The following CDH20 variants were observed in gnomAD, a reference collection of about 807,000 sequenced individuals.
CDH20 encodes the protein cadherin 20.
CDH20 carries 29 observed loss-of-function variants against 74.2 expected under a neutral mutation model. The ratio of observed to expected loss-of-function variants is 0.39; its 90% confidence interval spans 0.29 to 0.53. The LOEUF (loss-of-function observed/expected upper bound fraction) is 0.53. Ranked by LOEUF, CDH20 falls within the 20% of genes least tolerant of loss-of-function variation. CDH20 has a pLI of 0.69. For synonymous variants in CDH20, 469 were observed against 405.4 expected (o/e 1.16, Z -1.88); for missense variants, 988 against 1,048.3 (o/e 0.94, Z 0.79).
At position 61,468,575 on chromosome 18, in the gene CDH20, T is replaced by C. The variant is rs761886748; in HGVS notation, c.-152-21827T>C. On this transcript the variant is annotated intron_variant, in intron 1 of 11. Coordinates refer to ENST00000262717, the MANE Select transcript of CDH20 (RefSeq NM_031891.4). ...ACTGTGTTTCTCTAGTATCCCTTTT[T>C]CCCCCCTACTTGCTCCACTAAGTGT... 3.9e-5 allele frequency among the ~76,000 whole-genome samples: 6 copies of C among 152,258 alleles called. No homozygotes were observed. The East Asian group carries it at 5.8e-4, about 15-fold the overall frequency.
intron 1 of CDH20, among the ~76,000 whole-genome samples, chr18:61,482,508 A>G (rs1910623421): frequency 6.6e-6 from 1 of 152,016 alleles, no homozygotes; most frequent in African/African-American, 2.4e-5. Flanking sequence ...TTTTCCCTGG[A>G]CTCTTAACTG....
chr18:61,351,597 C>T (rs1910308710), intron 1 of CDH20, among the ~76,000 whole-genome samples: 1 of 151,726 alleles, frequency 6.6e-6, no homozygotes, highest in Admixed American at 6.6e-5. Flanking sequence ...TTTAGTTTGC[C>T]TCTATGTTAC....
At chr18:61,382,830 A>T (rs1911476040) in intron 1 of CDH20, among the ~76,000 whole-genome samples, 1 of 152,222 alleles carries the variant, frequency 6.6e-6, no homozygotes, top group Admixed American at 6.5e-5. Context: ...CTCACAATGA[A>T]CAGTAATAAG....
chr18:61,406,074 C>T (rs1912320289), intron 1 of CDH20, among the ~76,000 whole-genome samples: 1 of 152,048 alleles, frequency 6.6e-6, no homozygotes, highest in African/African-American at 2.4e-5. Context: ...ATTCAAATGG[C>T]CCCAGCTGTA....
At chr18:61,416,080 T>G (rs1486026161) in intron 1 of CDH20, among the ~76,000 whole-genome samples, 13 of 152,116 alleles carry the variant, frequency 8.5e-5, no homozygotes, top group Admixed American at 5.9e-4. Context: ...TAAGAACTCA[T>G]TATGTATCTT....
chr18:61,517,830 A>T (rs1912056814), intron 6 of CDH20, among the ~76,000 whole-genome samples: 1 of 152,098 alleles, frequency 6.6e-6, no homozygotes, highest in South Asian at 2.1e-4. Context: ...AGCTCAGTGG[A>T]TCCCACCCCC....
At chr18:61,538,683 A>G (rs547269566) in intron 8 of CDH20, among the ~76,000 whole-genome samples, 2 of 133,524 alleles carry the variant, frequency 1.5e-5, no homozygotes, top group Non-Finnish European at 3.1e-5. Context: ...CAGTGGTGCT[A>G]TCTCTGCTCA....
At chr18:61,470,457 C>T (rs756645387) in intron 1 of CDH20, among the ~76,000 whole-genome samples, 2 of 152,182 alleles carry the variant, frequency 1.3e-5, no homozygotes, top group South Asian at 2.1e-4. Context: ...AGGCCCTGCC[C>T]GTTGGTGCGG....
intron 4 of CDH20, among the ~76,000 whole-genome samples, chr18:61,501,405 A>G (rs552240651): frequency 2.0e-4 from 31 of 152,230 alleles, no homozygotes; most frequent in African/African-American, 7.5e-4. Context: ...AAACATTGCC[A>G]TATTTGAGCT....
At chr18:61,479,416 G>C (rs535469577) in intron 1 of CDH20, among the ~76,000 whole-genome samples, 1 of 152,088 alleles carries the variant, frequency 6.6e-6, no homozygotes, top group African/African-American at 2.4e-5. Context: ...TTCCAGTGGG[G>C]TAATTGAGCT....
chr18:61,454,091 C>A (rs1267464071), intron 1 of CDH20, among the ~76,000 whole-genome samples: 1 of 152,070 alleles, frequency 6.6e-6, no homozygotes, highest in African/African-American at 2.4e-5. Flanking sequence ...GCTTATTGGC[C>A]ATCTGGATAT....
At position 61,372,676 on chromosome 18, in the gene CDH20, G is replaced by C. The variant is rs564629041; in HGVS notation, c.-153+38849G>C. ...AAAATTCTATAAAATTCAATTTCAG[G>C]TTCTGTAAATAAAGCTTTATTGGAA... On this transcript the variant is annotated intron_variant, in intron 1 of 11. Coordinates refer to ENST00000262717, the MANE Select transcript of CDH20 (RefSeq NM_031891.4). Among the ~76,000 whole-genome samples the C allele has an allele frequency of 2.0e-5, 3 of 152,168 alleles. No homozygotes were observed. The East Asian group carries it at 5.8e-4, about 29-fold the overall frequency.
At position 61,518,965 on chromosome 18, in the gene CDH20, C is replaced by T. The variant is rs188138656; in HGVS notation, c.1018-9002C>T. ...GCTGAAAAACACAGCATGAGAACTT[C>T]GTTAAGCATACACAAGTATCAACAG... On this transcript the variant is annotated intron_variant, in intron 6 of 11. Transcript: ENST00000262717. 7.5e-4 allele frequency among the ~76,000 whole-genome samples: 114 copies of T among 151,130 alleles called. 3 individuals carry two copies. Among genetic ancestry groups the T allele is most frequent in the Admixed American group, 2.3e-3 (35 of 15,250 alleles).
chr18:61,377,571 G>A lies in CDH20; in HGVS notation c.-153+43744G>A, dbSNP rs541264125. Among the ~76,000 whole-genome samples the A allele has an allele frequency of 2.0e-5, 3 of 151,318 alleles. No homozygotes were observed. The South Asian group carries it at 6.3e-4, about 32-fold the overall frequency. On this transcript the variant is annotated intron_variant, in intron 1 of 11. Transcript: ENST00000262717. ...TGTTAAGTCTTTGGTGACCACTTCA[G>A]AAATATATTTTATTTCTTAAATTAA...
At chr18:61,487,645 G>A (rs965476549) in intron 1 of CDH20, among the ~76,000 whole-genome samples, 2 of 152,174 alleles carry the variant, frequency 1.3e-5, no homozygotes, top group Non-Finnish European at 2.9e-5. Context: ...CAGTGGAGGG[G>A]AGGAAAATAA....
chr18:61,383,512 C>T (rs949614518), intron 1 of CDH20, among the ~76,000 whole-genome samples: 1 of 151,970 alleles, frequency 6.6e-6, no homozygotes, highest in Non-Finnish European at 1.5e-5. Context: ...ACCCGGGAGG[C>T]GGAGGTTGCA....
At chr18:61,516,056 A>T (rs556498977) in intron 6 of CDH20, among the ~76,000 whole-genome samples, 24 of 152,356 alleles carry the variant, frequency 1.6e-4, no homozygotes, top group Admixed American at 1.1e-3. Flanking sequence ...ATGGGCAGTA[A>T]CAACTACTGC....
chr18:61,372,737 T>C (rs567774268), intron 1 of CDH20, among the ~76,000 whole-genome samples: 2 of 152,304 alleles, frequency 1.3e-5, no homozygotes, highest in Admixed American at 6.5e-5. Flanking sequence ...ATTGTCTATG[T>C]CTGCTTTTGT....
chr18:61,477,127 A>C (rs58545957), intron 1 of CDH20, among the ~76,000 whole-genome samples: 1,914 of 152,276 alleles, frequency 0.013, 45 homozygotes, highest in African/African-American at 0.044. Flanking sequence ...CCATGATTTT[A>C]TTACTATGAT....
Sources: allele counts gnomAD v4.1 joint callset (sites outside exome capture counted in the v4.1 genomes callset), GRCh38; gene constraint gnomAD v4.1.1; transcripts MANE v1.5; gene names NCBI Gene and HGNC (gene_info 2026-07-23, HGNC 2026-07-21).